The following XRN1 variants were observed in gnomAD, a reference collection of about 807,000 sequenced individuals.
The protein encoded by XRN1 is 5'-3' exoribonuclease 1.
In XRN1, 67 loss-of-function variants were observed where a neutral mutation model predicts 222.3. That is an observed-to-expected ratio of 0.30 (90% confidence interval 0.25 to 0.37). The LOEUF (loss-of-function observed/expected upper bound fraction) is 0.37. Ranked by LOEUF, XRN1 falls within the 10% of genes least tolerant of loss-of-function variation. The pLI is 1.00. For synonymous variants in XRN1, 643 were observed against 652.4 expected, an observed-to-expected ratio of 0.99 and a Z score of 0.22; for missense variants, 1,707 against 2,000.2, an observed-to-expected ratio of 0.85 and a Z score of 2.80.
intron 29 of XRN1, among the ~76,000 whole-genome samples, chr3:142,360,630 C>T (rs974081657): frequency 4.6e-5 from 7 of 151,500 alleles, no homozygotes; most frequent in African/African-American, 1.7e-4. Flanking sequence ...TTTGGGAGGC[C>T]GAGGCAGGTG....
In XRN1 at chr3:142,422,942, C is replaced by G. The variant is rs374725388; in HGVS notation, c.711-20G>C. On this transcript the variant is annotated intron_variant, in intron 6 of 40. Transcript: ENST00000392981. ...CATACCCTGGAATTAGTCAGATGAT[C>G]AAGATACAGTGAATTTTATTTTTAA... 29 of 1,565,640 alleles carry G rather than the reference C, an allele frequency of 1.9e-5. No individual in the cohort carries two copies. The highest frequency in any genetic ancestry group is 1.8e-4 in the Middle Eastern group (1 of 5,682).
chr3:142,329,059 AT>A (rs1345862775), intron 37 of XRN1, among the ~76,000 whole-genome samples: 1 of 151,306 alleles, frequency 6.6e-6, no homozygotes, highest in Admixed American at 6.6e-5. Flanking sequence ...CAACTGGCCA[AT>A]TTTTTTTGTT....
intron 25 of XRN1, among the ~76,000 whole-genome samples, chr3:142,372,401 G>A (rs1424634907): frequency 6.6e-6 from 1 of 152,184 alleles, no homozygotes; most frequent in African/African-American, 2.4e-5. Flanking sequence ...CCGTGGAAGG[G>A]AAGGGAGAGG....
At chr3:142,382,299 C>A (rs1056072404) in intron 22 of XRN1, among the ~76,000 whole-genome samples, 19 of 152,074 alleles carry the variant, frequency 1.2e-4, no homozygotes, top group African/African-American at 4.6e-4. Flanking sequence ...ATAATGGTTG[C>A]ACAATGGTTT....
chr3:142,361,089 C>T (rs1190138430), intron 29 of XRN1, among the ~76,000 whole-genome samples: 2 of 152,160 alleles, frequency 1.3e-5, no homozygotes, highest in Non-Finnish European at 2.9e-5. Flanking sequence ...ACTCTGCTGT[C>T]ACCATAGGTT....
In XRN1 at chr3:142,311,528, A is replaced by G; in HGVS notation, c.5068T>C (p.Ser1690Pro). 4 of 1,607,402 alleles carry G rather than the reference A, an allele frequency of 2.5e-6. No individual in the cohort carries two copies. Among genetic ancestry groups the G allele is most frequent in the Non-Finnish European group, 3.4e-6 (4 of 1,175,900 alleles). Residue 1690 changes from serine (S) to proline (P), a missense_variant, in exon 41 of 41, where the codon TCT (serine) becomes CCT (proline). Physicochemically the swap from Ser to Pro is moderately conservative, Grantham distance 74. Around this residue, in one of 2 missense-constraint regions of XRN1, gnomAD observed 473 missense variants for 482.0 expected, o/e 0.98. Transcript: ENST00000392981. Reference protein sequence around the residue: ...SRKLAVNFGVSKPSE With the variant: ...SRKLAVNFGVPKPSE ...AGCCAAATTTACTCAGAAGGTTTAG[A>G]AACACCAAAATTAACAGCCAGTTTT...
intron 18 of XRN1, 97 bp downstream of exon 18, chr3:142,403,577 A>G: frequency 9.1e-7 from 1 of 1,094,884 alleles, no homozygotes; most frequent in Non-Finnish European, 1.3e-6. Flanking sequence ...AAATTTCTAG[A>G]GTTACAACAT....
In XRN1 at chr3:142,404,895, A is replaced by C. The variant is rs2068287013; in HGVS notation, c.1883+12T>G. On this transcript the variant is annotated intron_variant, in intron 16 of 40. Coordinates refer to ENST00000392981, the MANE Select transcript of XRN1 (RefSeq NM_001282857.2). The stretch of plus-strand genomic sequence containing the variant: ...GCTCTTTTGTTGTTGAAAAATTACC[A>C]AGTAACATTACCTTGTACAACATCG... The C allele has an allele frequency of 6.2e-7, 1 of 1,613,270 alleles. No homozygotes were observed. The highest frequency in any genetic ancestry group is 1.3e-5 in the African/African-American group (1 of 74,866).
intron 15 of XRN1, among the ~76,000 whole-genome samples, chr3:142,410,346 T>G (rs2068515085): frequency 6.6e-6 from 1 of 152,136 alleles, no homozygotes; most frequent in Non-Finnish European, 1.5e-5. Context: ...CTTGGTCAGA[T>G]AGTGGAAGGT....
At chr3:142,426,944 A>G (rs990575205) in intron 2 of XRN1, 103 bp from the exon 3 acceptor site, 2 of 776,766 alleles carry the variant, frequency 2.6e-6, no homozygotes, top group Non-Finnish European at 4.2e-6. Flanking sequence ...ATAGTAATTC[A>G]CCAGTTTTAA....
chr3:142,444,039 A>G (rs920708160), intron 1 of XRN1, among the ~76,000 whole-genome samples: 1 of 152,184 alleles, frequency 6.6e-6, no homozygotes, highest in Non-Finnish European at 1.5e-5. Context: ...AAACAATAGA[A>G]CTCATGGACA....
chr3:142,427,523 C>T (rs1385635862), intron 2 of XRN1, among the ~76,000 whole-genome samples: 3 of 151,992 alleles, frequency 2.0e-5, no homozygotes, highest in Non-Finnish European at 2.9e-5. Context: ...ATTTAATGAT[C>T]TTAATCATCA....
rs1473582688 is a variant in XRN1, at chr3:142,434,513, T to TC, written c.76-1621_76-1620insG. On this transcript the variant is annotated intron_variant, in intron 1 of 40. Transcript: ENST00000392981. Reference sequence around the variant, plus strand: ...TGATCAAATTTTTTTTTTTACACTTTTTTTTTTTTTTTTTTTACATTTTAC... The same window carrying TC: ...TGATCAAATTTTTTTTTTTACACTTTCTTTTTTTTTTTTTTTTACATTTTAC... Among the ~76,000 whole-genome samples, 4 of 148,812 alleles carry TC rather than the reference T, an allele frequency of 2.7e-5. No homozygotes were observed. In the South Asian group the frequency reaches 6.2e-4, roughly 23 times the overall value.
At chr3:142,411,558 G>A (rs929236817) in intron 15 of XRN1, among the ~76,000 whole-genome samples, 30 of 151,658 alleles carry the variant, frequency 2.0e-4, no homozygotes, top group Admixed American at 6.6e-5. Flanking sequence ...CAATCCTACC[G>A]TCTTGGCCTC....
At chr3:142,368,153 T>C (rs990586892) in intron 27 of XRN1, among the ~76,000 whole-genome samples, 3 of 151,522 alleles carry the variant, frequency 2.0e-5, no homozygotes, top group African/African-American at 2.4e-5. Flanking sequence ...ATTTAACACA[T>C]ATATATATAA....
rs575282055 is a variant in XRN1, at chr3:142,352,968, G to C, written c.3768+2433C>G. 2.6e-5 allele frequency among the ~76,000 whole-genome samples: 4 copies of C among 152,274 alleles called. No homozygotes were observed. In the South Asian group the frequency reaches 8.3e-4, roughly 32 times the overall value. On this transcript the variant is annotated intron_variant, in intron 32 of 40. Transcript: ENST00000392981. ...CAAACATTCCTTTTTGATCTAAGCT[G>C]AGAAGATAGGTAACTAGCAAAACAT...
intron 37 of XRN1, among the ~76,000 whole-genome samples, chr3:142,328,704 TATATATATATATATATATATATATATATA>T (rs1560291903): frequency 6.6e-4 from 1 of 1,512 alleles, no homozygotes; most frequent in Non-Finnish European, 7.2e-3. Context: ...CTTGTAATAT[TATATATATATATATATATATATATATATA>T]TATATATATA....
intron 33 of XRN1, among the ~76,000 whole-genome samples, chr3:142,346,380 C>A (rs374580460): frequency 6.6e-6 from 1 of 151,944 alleles, no homozygotes; most frequent in Non-Finnish European, 1.5e-5. Context: ...ACTTATAATG[C>A]TTGATACAAT....
rs572380391 is a variant in XRN1 at position 142,308,464 on chromosome 3, C to T, written c.*3047G>A. ...AACCCTTCAATCTTTATTAGTTACC[C>T]CTTTGAAAAGCAAGAAAAATCTTAA... On this transcript the variant is annotated 3_prime_UTR_variant, in exon 41 of 41. Coordinates refer to ENST00000392981, the MANE Select transcript of XRN1 (RefSeq NM_001282857.2). The T allele has an allele frequency of 5.3e-5, 8 of 152,274 alleles. No individual in the cohort carries two copies. Among genetic ancestry groups the T allele is most frequent in the African/African-American group, 1.9e-4 (8 of 41,566 alleles). 9.4% of individuals were successfully genotyped at this position (152,274 alleles called of 1,614,324 possible).
Sources: allele counts gnomAD v4.1 joint callset (sites outside exome capture counted in the v4.1 genomes callset), GRCh38; gene constraint gnomAD v4.1.1; regional missense constraint gnomAD v4.1.1; transcripts MANE v1.5; gene names NCBI Gene and HGNC (gene_info 2026-07-23, HGNC 2026-07-21).